The following PGCKA1 variants were observed in gnomAD, a reference collection of about 807,000 sequenced individuals.
PGCKA1 encodes the protein PDCD10 and GCKIII kinases-associated protein 1.
chr4:37,461,030 G>C, the PGCKA1 span: 30 of 228,488 alleles, frequency 1.3e-4, 1 homozygote, highest in East Asian at 4.4e-3. Context: ...TAAGGAAGGG[G>C]TGCAGTTTCA....
the PGCKA1 span, among the ~76,000 whole-genome samples, chr4:37,560,850 C>CT: frequency 6.6e-6 from 1 of 152,140 alleles, no homozygotes; most frequent in Non-Finnish European, 1.5e-5. Context: ...TTCTCAGTTT[C>CT]TTTCAACTAT....
the PGCKA1 span, among the ~76,000 whole-genome samples, chr4:37,486,085 A>G: frequency 6.6e-6 from 1 of 152,136 alleles, no homozygotes; most frequent in Non-Finnish European, 1.5e-5. Context: ...TTCCTAGTAG[A>G]TATTTACTAA....
the PGCKA1 span, among the ~76,000 whole-genome samples, chr4:37,511,779 G>A: frequency 2.6e-5 from 4 of 152,138 alleles, no homozygotes; most frequent in Non-Finnish European, 5.9e-5. Flanking sequence ...GTTGGGTAGG[G>A]TACTGGTCAG....
At chr4:37,526,119 G>T in the PGCKA1 span, among the ~76,000 whole-genome samples, 1 of 152,178 alleles carries the variant, frequency 6.6e-6, no homozygotes, top group Non-Finnish European at 1.5e-5. Context: ...TAGATGTAGC[G>T]GGAGCTCAGC....
chr4:37,455,820 T>C, the PGCKA1 span, among the ~76,000 whole-genome samples: 1 of 152,294 alleles, frequency 6.6e-6, no homozygotes, highest in Non-Finnish European at 1.5e-5. Flanking sequence ...GCCGGCCCCT[T>C]TCCTCCTAGA....
the PGCKA1 span, among the ~76,000 whole-genome samples, chr4:37,516,410 G>A: frequency 6.6e-6 from 1 of 152,230 alleles, no homozygotes; most frequent in South Asian, 2.1e-4. Flanking sequence ...TGTGGCATGA[G>A]TATATGTCTA....
the PGCKA1 span, among the ~76,000 whole-genome samples, chr4:37,536,022 T>C: frequency 3.7e-4 from 57 of 152,388 alleles, no homozygotes; most frequent in Non-Finnish European, 5.7e-4. Flanking sequence ...GCTTGGCACA[T>C]AGTAAGCACT....
the PGCKA1 span, among the ~76,000 whole-genome samples, chr4:37,511,543 G>A: frequency 2.0e-5 from 3 of 151,744 alleles, no homozygotes; most frequent in Non-Finnish European, 2.9e-5. Flanking sequence ...TGACCAGTAC[G>A]CTATCATACT....
At chr4:37,466,006 G>A in the PGCKA1 span, among the ~76,000 whole-genome samples, 130,444 of 152,150 alleles carry the variant, frequency 0.86, 55,989 homozygotes, top group Admixed American at 0.92. Flanking sequence ...TAGGAACATT[G>A]GGAAGGGTAA....
chr4:37,518,746 C>A, the PGCKA1 span, among the ~76,000 whole-genome samples: 12 of 152,198 alleles, frequency 7.9e-5, no homozygotes, highest in East Asian at 2.3e-3. Flanking sequence ...TTCGTTGTTT[C>A]CTTTGCTGTG....
the PGCKA1 span, among the ~76,000 whole-genome samples, chr4:37,565,242 A>G: frequency 6.6e-6 from 1 of 152,020 alleles, no homozygotes; most frequent in Non-Finnish European, 1.5e-5. Flanking sequence ...TTGCCTTTTC[A>G]CCCATGATAT....
the PGCKA1 span, chr4:37,591,125 T>C: frequency 1.3e-6 from 1 of 751,372 alleles, no homozygotes; most frequent in Non-Finnish European, 2.1e-6. Flanking sequence ...GTTGTTTACA[T>C]CCAGCATCTG....
At chr4:37,503,653 G>T in the PGCKA1 span, among the ~76,000 whole-genome samples, 3 of 152,324 alleles carry the variant, frequency 2.0e-5, no homozygotes, top group East Asian at 5.8e-4. Context: ...TCTAACTGGG[G>T]TGAGATGATA....
the PGCKA1 span, among the ~76,000 whole-genome samples, chr4:37,564,519 T>TTTATTTA: frequency 2.3e-4 from 35 of 150,966 alleles, no homozygotes; most frequent in Non-Finnish European, 4.3e-4. Context: ...TTATTTATTT[T>TTTATTTA]TTTTGAGATG....
the PGCKA1 span, among the ~76,000 whole-genome samples, chr4:37,534,551 T>C: frequency 2.0e-5 from 3 of 152,246 alleles, no homozygotes; most frequent in African/African-American, 7.2e-5. Context: ...TGGGTTGCTA[T>C]AACAAAATAC....
chr4:37,491,113 AG>A, the PGCKA1 span, among the ~76,000 whole-genome samples: 1 of 152,200 alleles, frequency 6.6e-6, no homozygotes, highest in Non-Finnish European at 1.5e-5. Context: ...AGCAGTCCTC[AG>A]CCAGCCAGCC....
chr4:37,588,955 C>G, the PGCKA1 span: 1 of 1,362,732 alleles, frequency 7.3e-7, no homozygotes, highest in Non-Finnish European at 1.1e-6. Flanking sequence ...AGCGTGGGGT[C>G]ACTTTTAAAG....
the PGCKA1 span, among the ~76,000 whole-genome samples, chr4:37,474,730 G>A: frequency 6.6e-6 from 1 of 152,166 alleles, no homozygotes; most frequent in African/African-American, 2.4e-5. Flanking sequence ...CATTCAGGAT[G>A]ATGAAGCTAG....
chr4:37,533,425 G>T, the PGCKA1 span, among the ~76,000 whole-genome samples: 5 of 152,158 alleles, frequency 3.3e-5, no homozygotes, highest in Non-Finnish European at 7.4e-5. Context: ...CACGCATATC[G>T]TTATATGATC....
Sources: gnomAD v4.1 joint callset for allele counts (sites outside exome capture counted in the v4.1 genomes callset) on GRCh38, gnomAD v4.1.1 for gene constraint, MANE v1.5 for transcripts, NCBI Gene and HGNC (gene_info 2026-07-23, HGNC 2026-07-21) for gene names.